ENOX1: variants seen among roughly 807,000 people sequenced by gnomAD.
ENOX1 encodes the protein candidate growth-related and time keeping constitutive hydroquinone (NADH) oxidase.
A neutral mutation model predicts 82.5 loss-of-function variants in ENOX1; 42 were observed. The observed-to-expected ratio is 0.51, with a 90% CI of 0.40 to 0.66. The LOEUF (loss-of-function observed/expected upper bound fraction) is 0.66. Ranked by LOEUF, ENOX1 falls within the 30% of genes least tolerant of loss-of-function variation. The probability of loss-of-function intolerance (pLI) is 0.00; values close to 1 mark genes in which losing one functional copy is unlikely to be tolerated. For missense variants in ENOX1, 608 were observed against 811.6 expected, an observed-to-expected ratio of 0.75 and a Z score of 3.05; for synonymous variants, 271 against 282.2, an observed-to-expected ratio of 0.96 and a Z score of 0.40.
At chr13:43,449,876 T>G (rs2056863394) in intron 3 of ENOX1, among the ~76,000 whole-genome samples, 1 of 152,156 alleles carries the variant, frequency 6.6e-6, no homozygotes, top group South Asian at 2.1e-4. Flanking sequence ...AGCAGTTATT[T>G]CTATCTAAAG....
chr13:43,727,021 C>A (rs933453384), intron 1 of ENOX1, among the ~76,000 whole-genome samples: 1 of 152,116 alleles, frequency 6.6e-6, no homozygotes, highest in Non-Finnish European at 1.5e-5. Flanking sequence ...GGATTACAGG[C>A]GTGTGCATGG....
intron 3 of ENOX1, among the ~76,000 whole-genome samples, chr13:43,453,803 A>G (rs2057088826): frequency 6.6e-6 from 1 of 152,182 alleles, no homozygotes; most frequent in African/African-American, 2.4e-5. Flanking sequence ...TGGAAGGTGA[A>G]CAATAATTGC....
chr13:43,535,920 G>A (rs773716021), intron 2 of ENOX1, among the ~76,000 whole-genome samples: 26 of 152,194 alleles, frequency 1.7e-4, no homozygotes, highest in East Asian at 3.9e-4. Context: ...TGACTGCAGC[G>A]TCACATTCAC....
At chr13:43,742,184 G>A (rs889496564) in intron 1 of ENOX1, among the ~76,000 whole-genome samples, 2 of 152,038 alleles carry the variant, frequency 1.3e-5, no homozygotes, top group African/African-American at 4.8e-5. Context: ...GATATATAGA[G>A]ACATATAGAA....
Position 43,317,889 on chromosome 13 carries a change from T to C in ENOX1, c.1261+4495A>G, listed in dbSNP as rs184156827. ...GCGTGGTGGCGGGTGCCTGTAGTCC[T>C]AGCTACTCGGGAGGCTGAGGCAGGA... On this transcript the variant is annotated intron_variant, in intron 11 of 16. Transcript: ENST00000690772. 7.7e-3 allele frequency among the ~76,000 whole-genome samples: 1,161 copies of C among 151,676 alleles called. 9 individuals are homozygous for C. The highest frequency in any genetic ancestry group is 9.4e-3 in the Non-Finnish European group (641 of 67,884).
intron 2 of ENOX1, among the ~76,000 whole-genome samples, chr13:43,515,037 T>C (rs1020038961): frequency 2.6e-5 from 4 of 152,284 alleles, no homozygotes; most frequent in African/African-American, 9.6e-5. Context: ...TTTTGTTTCA[T>C]TTTCATGGGA....
At chr13:43,633,768 CA>C (rs1317614537) in intron 2 of ENOX1, among the ~76,000 whole-genome samples, 1 of 150,940 alleles carries the variant, frequency 6.6e-6, no homozygotes, top group Non-Finnish European at 1.5e-5. Context: ...AGGATAAGAA[CA>C]AAAAGGATAG....
chr13:43,401,428 GAAGGTTTCCAGGGCTTAATGC>G (rs369783078), intron 5 of ENOX1, among the ~76,000 whole-genome samples: 6 of 152,290 alleles, frequency 3.9e-5, no homozygotes, highest in African/African-American at 1.4e-4. Flanking sequence ...CCACTGTCTA[GAAGGTTTCCAGGGCTTAATGC>G]AAGGAAGAGA....
At chr13:43,247,877 A>T (rs1220772546) in intron 14 of ENOX1, among the ~76,000 whole-genome samples, 5,946 of 10,558 alleles carry the variant, frequency 0.56, 1,293 homozygotes, top group East Asian at 0.75. Flanking sequence ...ATATATATAT[A>T]TATATATTTT....
intron 3 of ENOX1, among the ~76,000 whole-genome samples, chr13:43,421,017 G>C (rs2054940805): frequency 6.6e-6 from 1 of 152,182 alleles, no homozygotes; most frequent in African/African-American, 2.4e-5. Context: ...GGGAATTTCT[G>C]ATGAGATGAC....
chr13:43,659,106 A>T lies in ENOX1; in HGVS notation c.-219+8373T>A, dbSNP rs116568284. Among the ~76,000 whole-genome samples the T allele has an allele frequency of 6.5e-3, 986 of 151,874 alleles. 9 individuals are homozygous for T. Among genetic ancestry groups the T allele is most frequent in the African/African-American group, 0.023 (953 of 41,402 alleles). Reference sequence around the variant, plus strand: ...CTTTCTTGAAAATTTCCTTAATTTCACCTCCTAACCCTTATAAATTCTGTT... The same window carrying T: ...CTTTCTTGAAAATTTCCTTAATTTCTCCTCCTAACCCTTATAAATTCTGTT... On this transcript the variant is annotated intron_variant, in intron 2 of 16. Transcript: ENST00000690772.
chr13:43,491,672 C>G (rs1193279887), intron 2 of ENOX1, among the ~76,000 whole-genome samples: 2 of 152,076 alleles, frequency 1.3e-5, no homozygotes, highest in Admixed American at 1.3e-4. Context: ...GAGGCGGAGG[C>G]AGGAGAATGG....
At chr13:43,731,384 T>A (rs2089334490) in intron 1 of ENOX1, among the ~76,000 whole-genome samples, 1 of 152,232 alleles carries the variant, frequency 6.6e-6, no homozygotes, top group Non-Finnish European at 1.5e-5. Context: ...GAGCTTTGTA[T>A]AGTAAATGAC....
chr13:43,571,593 G>A (rs1353375640), intron 2 of ENOX1, among the ~76,000 whole-genome samples: 2 of 152,136 alleles, frequency 1.3e-5, no homozygotes, highest in African/African-American at 4.8e-5. Flanking sequence ...GGGAGGCTGA[G>A]GCAGGAGAAT....
At chr13:43,328,498 G>T (rs548127994) in intron 9 of ENOX1, among the ~76,000 whole-genome samples, 1 of 152,164 alleles carries the variant, frequency 6.6e-6, no homozygotes, top group Admixed American at 6.5e-5. Context: ...CTGAGTGTTT[G>T]GTTGGTAATA....
intron 3 of ENOX1, among the ~76,000 whole-genome samples, chr13:43,451,812 G>T (rs2056983497): frequency 1.3e-5 from 2 of 152,104 alleles, no homozygotes; most frequent in Non-Finnish European, 2.9e-5. Context: ...GTTATTCTAG[G>T]TACTTGGGGA....
chr13:43,407,773 C>T (rs754278114), intron 5 of ENOX1, among the ~76,000 whole-genome samples: 1 of 152,042 alleles, frequency 6.6e-6, no homozygotes, highest in African/African-American at 2.4e-5. Flanking sequence ...TCCACTCTAC[C>T]TTACAACAGT....
At chr13:43,641,268 T>C (rs1312099868) in intron 2 of ENOX1, among the ~76,000 whole-genome samples, 1 of 152,068 alleles carries the variant, frequency 6.6e-6, no homozygotes, top group African/African-American at 2.4e-5. Flanking sequence ...AAATCCTGGG[T>C]TCAGAGAGGT....
At chr13:43,777,856 C>T (rs922963133) in intron 1 of ENOX1, among the ~76,000 whole-genome samples, 5 of 152,016 alleles carry the variant, frequency 3.3e-5, no homozygotes, top group Admixed American at 2.0e-4. Context: ...ACAATTATCC[C>T]GAAATAAAAT....
Sources: allele counts gnomAD v4.1 joint callset (sites outside exome capture counted in the v4.1 genomes callset), GRCh38; gene constraint gnomAD v4.1.1; transcripts MANE v1.5; gene names NCBI Gene and HGNC (gene_info 2026-07-23, HGNC 2026-07-21).